ARHGAP22: variants seen among roughly 807,000 people sequenced by gnomAD.
ARHGAP22 encodes the protein Rho GTPase activating protein 22, also known as rho GTPase-activating protein 22.
Under a neutral mutation model 59.1 loss-of-function variants are expected in ARHGAP22, and 48 were observed. The observed-to-expected ratio is 0.81, with a 90% CI of 0.64 to 1.03. The LOEUF (loss-of-function observed/expected upper bound fraction) is 1.03, where lower values mean the gene tolerates loss of function less well. Among genes scored for constraint, ARHGAP22 ranks in the 50% least tolerant of loss-of-function variants. The pLI, the probability that ARHGAP22 is intolerant of heterozygous loss-of-function variation, is 0.00. For synonymous variants in ARHGAP22, 445 were observed against 416.4 expected, an observed-to-expected ratio of 1.07 and a Z score of -0.84; for missense variants, 1,015 against 958.7, an observed-to-expected ratio of 1.06 and a Z score of -0.78.
At chr10:48,458,399 C>T (rs1216420118) in intron 5 of ARHGAP22, among the ~76,000 whole-genome samples, 1 of 152,096 alleles carries the variant, frequency 6.6e-6, no homozygotes, top group Non-Finnish European at 1.5e-5. Flanking sequence ...GGAGGCTGAG[C>T]ATGCCAGGAA....
At chr10:48,620,922 G>C (rs538110370) in intron 1 of ARHGAP22, among the ~76,000 whole-genome samples, 44 of 152,358 alleles carry the variant, frequency 2.9e-4, no homozygotes, top group Admixed American at 2.8e-3. Context: ...CTTCCTCAGA[G>C]GGAGGAGTTC....
At chr10:48,544,799 G>T (rs569367564) in intron 3 of ARHGAP22, among the ~76,000 whole-genome samples, 2 of 152,318 alleles carry the variant, frequency 1.3e-5, no homozygotes, top group Admixed American at 6.5e-5. Flanking sequence ...TGGTGGATAT[G>T]CTAATCACCC....
At chr10:48,603,534 A>T (rs1003819136) in intron 1 of ARHGAP22, among the ~76,000 whole-genome samples, 1 of 152,232 alleles carries the variant, frequency 6.6e-6, no homozygotes, top group Non-Finnish European at 1.5e-5. Context: ...GACTAGTGAC[A>T]TGCCAAGTGC....
intron 4 of ARHGAP22, among the ~76,000 whole-genome samples, chr10:48,462,408 T>C (rs1306050846): frequency 2.0e-5 from 3 of 152,190 alleles, no homozygotes; most frequent in Non-Finnish European, 4.4e-5. Context: ...TCAACATCAT[T>C]ATCTTGACTT....
At chr10:48,616,081 A>G (rs1479283165) in intron 1 of ARHGAP22, among the ~76,000 whole-genome samples, 4 of 152,178 alleles carry the variant, frequency 2.6e-5, no homozygotes, top group Non-Finnish European at 4.4e-5. Flanking sequence ...CACTTGGCAG[A>G]TATTGCATTT....
At chr10:48,435,053 GAGGGAT>G in the ARHGAP22 span, 9 of 1,095,530 alleles carry the variant, frequency 8.2e-6, no homozygotes, top group Non-Finnish European at 1.2e-5. Context: ...CGGGGGGTGG[GAGGGAT>G]GGGGAGTCGG....
At chr10:48,612,907 C>T (rs2135981707) in intron 1 of ARHGAP22, among the ~76,000 whole-genome samples, 1 of 152,334 alleles carries the variant, frequency 6.6e-6, no homozygotes, top group South Asian at 2.1e-4. Context: ...CTGTCAGCCT[C>T]ATCACTGTAT....
intron 1 of ARHGAP22, among the ~76,000 whole-genome samples, chr10:48,584,531 A>G (rs561449357): frequency 6.6e-6 from 1 of 152,276 alleles, no homozygotes; most frequent in African/African-American, 2.4e-5. Flanking sequence ...GCCACTCTGG[A>G]CTGAAGGGTG....
At chr10:48,592,574 A>T (rs2059825597) in intron 1 of ARHGAP22, among the ~76,000 whole-genome samples, 1 of 151,792 alleles carries the variant, frequency 6.6e-6, no homozygotes. Context: ...CGTCTTCCTG[A>T]CCTCTCAGTG....
rs113395492 is a variant in ARHGAP22 at position 48,517,931 on chromosome 10, T to C, written c.322+37532A>G. Among the ~76,000 whole-genome samples, 907 of 152,276 alleles carry C rather than the reference T, an allele frequency of 6.0e-3. 8 individuals are homozygous for C. The highest frequency in any genetic ancestry group is 0.013 in the Admixed American group (203 of 15,304). The stretch of plus-strand genomic sequence containing the variant: ...GGGAGCTGGGACGACTGCTGGCATT[T>C]CTGACAGTCTTGAGGCCTGCGTGCC... On this transcript the variant is annotated intron_variant, in intron 3 of 9. Coordinates refer to ENST00000249601, the MANE Select transcript of ARHGAP22 (RefSeq NM_021226.4).
At chr10:48,497,988 T>C (rs529068179) in intron 3 of ARHGAP22, among the ~76,000 whole-genome samples, 13 of 152,276 alleles carry the variant, frequency 8.5e-5, no homozygotes, top group Non-Finnish European at 1.3e-4. Flanking sequence ...CAGGTGTCCA[T>C]GGTTCCTCTA....
At chr10:48,593,662 A>G (rs1053228167) in intron 1 of ARHGAP22, among the ~76,000 whole-genome samples, 1 of 152,262 alleles carries the variant, frequency 6.6e-6, no homozygotes, top group African/African-American at 2.4e-5. Flanking sequence ...TGTGCTGGGC[A>G]AGATAGAGTG....
At chr10:48,636,690 C>T (rs1280220709) in intron 1 of ARHGAP22, among the ~76,000 whole-genome samples, 1 of 152,168 alleles carries the variant, frequency 6.6e-6, no homozygotes, top group East Asian at 1.9e-4. Flanking sequence ...CAGCTCAAGA[C>T]CCATGGCTAT....
At chr10:48,565,099 C>T (rs114277708) in intron 2 of ARHGAP22, among the ~76,000 whole-genome samples, 6 of 152,184 alleles carry the variant, frequency 3.9e-5, no homozygotes, top group African/African-American at 1.4e-4. Context: ...ATAATAAATC[C>T]GAGATCCTGT....
At chr10:48,595,316 A>G (rs2060003790) in intron 1 of ARHGAP22, among the ~76,000 whole-genome samples, 1 of 152,130 alleles carries the variant, frequency 6.6e-6, no homozygotes, top group Non-Finnish European at 1.5e-5. Context: ...GAGGAGAGAG[A>G]GATGGGGTAT....
At chr10:48,534,696 T>C (rs1234555257) in intron 3 of ARHGAP22, among the ~76,000 whole-genome samples, 1 of 152,204 alleles carries the variant, frequency 6.6e-6, no homozygotes, top group Non-Finnish European at 1.5e-5. Flanking sequence ...ATTTTACAGA[T>C]GGGGAAACTA....
chr10:48,602,008 G>C (rs902141037), intron 1 of ARHGAP22, among the ~76,000 whole-genome samples: 1 of 152,186 alleles, frequency 6.6e-6, no homozygotes, highest in Non-Finnish European at 1.5e-5. Context: ...GACAAATTTA[G>C]ATCCCACATT....
intron 3 of ARHGAP22, among the ~76,000 whole-genome samples, chr10:48,507,001 C>T (rs2052208239): frequency 6.6e-6 from 1 of 152,182 alleles, no homozygotes; most frequent in Non-Finnish European, 1.5e-5. Context: ...CTCTCAGGGC[C>T]TCCCACGCCC....
chr10:48,485,427 T>C (rs1175597083), intron 3 of ARHGAP22, among the ~76,000 whole-genome samples: 1 of 152,208 alleles, frequency 6.6e-6, no homozygotes, highest in Non-Finnish European at 1.5e-5. Flanking sequence ...ATATGGTATA[T>C]CTTGCTCAGT....
Sources: allele counts gnomAD v4.1 joint callset (sites outside exome capture counted in the v4.1 genomes callset), GRCh38; gene constraint gnomAD v4.1.1; transcripts MANE v1.5; gene names NCBI Gene and HGNC (gene_info 2026-07-23, HGNC 2026-07-21).